The following SYCP2L variants were observed in gnomAD, a reference collection of about 807,000 sequenced individuals.
SYCP2L encodes synaptonemal complex protein 2 like, also known as synaptonemal complex protein 2-like.
Under a neutral mutation model 125.8 loss-of-function variants are expected in SYCP2L, and 98 were observed. The observed-to-expected ratio is 0.78, with a 90% CI of 0.66 to 0.92. The LOEUF (loss-of-function observed/expected upper bound fraction) is 0.92, where lower values mean the gene tolerates loss of function less well. Ranked by LOEUF, SYCP2L falls within the 40% of genes least tolerant of loss-of-function variation. The pLI is 0.00. For missense variants in SYCP2L, 842 were observed against 936.4 expected (o/e 0.90, Z 1.32); for synonymous variants, 317 against 325.4 (o/e 0.97, Z 0.28).
chr6:10,950,768 C>T (rs1781396963), intron 23 of SYCP2L, among the ~76,000 whole-genome samples: 2 of 152,084 alleles, frequency 1.3e-5, no homozygotes, highest in African/African-American at 4.8e-5. Flanking sequence ...TTAAGCAATC[C>T]TCCCACCTCA....
intron 8 of SYCP2L, among the ~76,000 whole-genome samples, chr6:10,904,803 C>T (rs1237915086): frequency 6.6e-6 from 1 of 152,050 alleles, no homozygotes; most frequent in Non-Finnish European, 1.5e-5. Context: ...GGTTTCTCAA[C>T]AAATCTGTTC....
At chr6:10,898,148 T>A in intron 5 of SYCP2L, 33 bp downstream of exon 5, 1 of 1,435,734 alleles carries the variant, frequency 7.0e-7, no homozygotes. Flanking sequence ...ACTGAGCAGA[T>A]GCCATTGGTA....
intron 23 of SYCP2L, among the ~76,000 whole-genome samples, chr6:10,947,627 A>G (rs1406774390): frequency 6.6e-6 from 1 of 152,080 alleles, no homozygotes; most frequent in Non-Finnish European, 1.5e-5. Context: ...CTGAACTCTT[A>G]TTAGGTCAAA....
chr6:10,921,213 A>C (rs150570415), intron 14 of SYCP2L, among the ~76,000 whole-genome samples: 2,530 of 151,884 alleles, frequency 0.017, 78 homozygotes, highest in African/African-American at 0.057. Context: ...ACATGATCTC[A>C]TTTTTTTTAT....
intron 15 of SYCP2L, 95 bp downstream of exon 15, chr6:10,924,736 T>C (rs1780868263): frequency 1.7e-6 from 2 of 1,189,052 alleles, no homozygotes; most frequent in Admixed American, 3.9e-5. Context: ...GAATATTTGA[T>C]AAAGCAGAAA....
chr6:10,907,895 T>TTTTTTTTTTG, intron 10 of SYCP2L, among the ~76,000 whole-genome samples: 1 of 126,106 alleles, frequency 7.9e-6, no homozygotes, highest in East Asian at 2.2e-4. Context: ...CAGATAGGTT[T>TTTTTTTTTTG]TTTTTTTTTT....
chr6:10,902,412 A>G (rs544779930), intron 6 of SYCP2L, among the ~76,000 whole-genome samples: 283 of 152,330 alleles, frequency 1.9e-3, no homozygotes, highest in Non-Finnish European at 3.1e-3. Flanking sequence ...CAGAGAATTA[A>G]TTTTCCTGAG....
At chr6:10,951,074 A>C (rs774986402) in intron 23 of SYCP2L, among the ~76,000 whole-genome samples, 2 of 152,172 alleles carry the variant, frequency 1.3e-5, no homozygotes, top group Admixed American at 1.3e-4. Flanking sequence ...AGTGCCCGGC[A>C]TATAGACACA....
chr6:10,919,584 A>G (rs1780753475), intron 14 of SYCP2L, among the ~76,000 whole-genome samples: 1 of 152,204 alleles, frequency 6.6e-6, no homozygotes, highest in Non-Finnish European at 1.5e-5. Flanking sequence ...TCCAGAGAGC[A>G]TCAGCTATGG....
At chr6:10,969,374 T>C (rs2113433423) in intron 29 of SYCP2L, among the ~76,000 whole-genome samples, 1 of 149,248 alleles carries the variant, frequency 6.7e-6, no homozygotes, top group South Asian at 2.2e-4. Flanking sequence ...TTTTTTTTTT[T>C]TTTTGAGATG....
intron 8 of SYCP2L, 28 bp downstream of exon 8, chr6:10,902,991 T>C (rs774577092): frequency 1.9e-6 from 3 of 1,581,532 alleles, no homozygotes; most frequent in Non-Finnish European, 2.6e-6. Context: ...AGTTACGTGC[T>C]GTAGTAAGGG....
At position 10,930,477 on chromosome 6, in the gene SYCP2L, C is replaced by T; in HGVS notation, c.1596C>T (p.Ser532=). The T allele has an allele frequency of 1.9e-6, 3 of 1,613,030 alleles. No individual in the cohort carries two copies. Among genetic ancestry groups the T allele is most frequent in the Non-Finnish European group, 2.5e-6 (3 of 1,179,632 alleles). The part of the protein sequence containing the change: ...NQKKKSLKSY[S]SRKKTRTRSN... ...AAAAGAAATCCCTAAAATCATATTC[C>T]AGTAGAAAGAAGACAAGAACCAGAA... Residue 532 remains serine, a synonymous_variant, in exon 19 of 30, where the codon TCC becomes TCT. Transcript: ENST00000283141.
At chr6:10,889,764 G>A (rs992929053) in intron 1 of SYCP2L, among the ~76,000 whole-genome samples, 6 of 152,014 alleles carry the variant, frequency 3.9e-5, no homozygotes, top group Non-Finnish European at 8.8e-5. Context: ...GGGATTACAG[G>A]CATGCGCCAC....
intron 6 of SYCP2L, 35 bp from the exon 7 acceptor site, chr6:10,902,642 A>G (rs758969045): frequency 6.3e-7 from 1 of 1,583,164 alleles, no homozygotes; most frequent in South Asian, 1.1e-5. Context: ...TACTCTTCCA[A>G]ACATAAATTT....
chr6:10,910,752 G>A, intron 11 of SYCP2L, 72 bp from the exon 12 acceptor site: 1 of 1,515,312 alleles, frequency 6.6e-7, no homozygotes, highest in Non-Finnish European at 9.2e-7. Flanking sequence ...ATAAGTGCTT[G>A]TTGCGGAACG....
chr6:10,925,718 T>G (rs1780884494), intron 15 of SYCP2L, among the ~76,000 whole-genome samples: 1 of 152,106 alleles, frequency 6.6e-6, no homozygotes, highest in South Asian at 2.1e-4. Context: ...GACATGGTCT[T>G]TTTACAAAAA....
chr6:10,900,995 C>T (rs533979256), intron 6 of SYCP2L, among the ~76,000 whole-genome samples: 1 of 152,356 alleles, frequency 6.6e-6, no homozygotes, highest in South Asian at 2.1e-4. Context: ...AATTTCTTCT[C>T]ACCTCCTTCT....
chr6:10,957,395 G>A (rs1781518683), intron 25 of SYCP2L, among the ~76,000 whole-genome samples: 3 of 152,116 alleles, frequency 2.0e-5, no homozygotes, highest in Admixed American at 2.0e-4. Context: ...GGACCTATGT[G>A]TAAATCAGAC....
At chr6:10,896,700 C>T (rs976556171) in intron 4 of SYCP2L, among the ~76,000 whole-genome samples, 1 of 152,128 alleles carries the variant, frequency 6.6e-6, no homozygotes, top group Non-Finnish European at 1.5e-5. Flanking sequence ...GGCTTTCAAA[C>T]CTTGCTGTAC....
Sources: allele counts gnomAD v4.1 joint callset (sites outside exome capture counted in the v4.1 genomes callset), GRCh38; gene constraint gnomAD v4.1.1; transcripts MANE v1.5; gene names NCBI Gene and HGNC (gene_info 2026-07-23, HGNC 2026-07-21).